CACNA2D3: variants seen among roughly 807,000 people sequenced by gnomAD.
CACNA2D3 encodes calcium voltage-gated channel auxiliary subunit alpha2delta 3.
Under a neutral mutation model 160.6 loss-of-function variants are expected in CACNA2D3, and 60 were observed. The observed-to-expected ratio is 0.37, with a 90% CI of 0.30 to 0.46. The LOEUF (loss-of-function observed/expected upper bound fraction) is 0.46. Among genes scored for constraint, CACNA2D3 ranks in the 20% least tolerant of loss-of-function variants. CACNA2D3 has a pLI of 1.00. For synonymous variants in CACNA2D3, 558 were observed against 492.9 expected (o/e 1.13, Z -1.75); for missense variants, 1,205 against 1,365.0 (o/e 0.88, Z 1.85).
At chr3:54,851,351 G>A (rs1699053972) in intron 17 of CACNA2D3, among the ~76,000 whole-genome samples, 1 of 152,198 alleles carries the variant, frequency 6.6e-6, no homozygotes, top group Non-Finnish European at 1.5e-5. Context: ...GTACTGGGCT[G>A]AGCAGCTGGG....
rs182902370 is a variant in CACNA2D3, at chr3:54,918,891, C to T, written c.2449+19023C>T. 294 of 1,521,430 alleles carry T rather than the reference C, an allele frequency of 1.9e-4. 2 individuals are homozygous for T. The East Asian group carries it at 6.0e-3, about 31-fold the overall frequency. The allele number at this position is 1,521,430 out of a possible 1,614,324, so 94.2% of individuals were successfully genotyped here. A position where few individuals can be genotyped will look rare whatever the true frequency, so the allele number is the denominator to read the frequency against. Reference sequence around the variant, plus strand: ...CACAGATGATGCCGTCTGTTAGTCCCCCTTTAAAAAACAAAAGCAAAGAAC... The same window carrying T: ...CACAGATGATGCCGTCTGTTAGTCCTCCTTTAAAAAACAAAAGCAAAGAAC... On this transcript the variant is annotated intron_variant, in intron 27 of 37. Transcript: ENST00000474759.
At chr3:54,390,399 T>G (rs1559468533) in intron 4 of CACNA2D3, among the ~76,000 whole-genome samples, 3 of 152,008 alleles carry the variant, frequency 2.0e-5, no homozygotes, top group Admixed American at 2.0e-4. Flanking sequence ...ACCAAGAAAA[T>G]AAGTCTCTAG....
intron 35 of CACNA2D3, among the ~76,000 whole-genome samples, chr3:55,051,617 C>T (rs1704217633): frequency 6.6e-6 from 1 of 152,118 alleles, no homozygotes; most frequent in African/African-American, 2.4e-5. Context: ...CCTCCTTGAG[C>T]TGTGGTGGGC....
chr3:54,498,043 G>A (rs1463485471), intron 4 of CACNA2D3, among the ~76,000 whole-genome samples: 1 of 141,914 alleles, frequency 7.0e-6, no homozygotes, highest in Non-Finnish European at 1.6e-5. Context: ...TTGGCATATA[G>A]TTTTTTTTTT....
chr3:54,211,715 G>A (rs555102854), intron 2 of CACNA2D3, among the ~76,000 whole-genome samples: 122 of 152,068 alleles, frequency 8.0e-4, no homozygotes, highest in African/African-American at 2.8e-3. Context: ...TCATTTTATC[G>A]TTCTCTGTCG....
intron 27 of CACNA2D3, among the ~76,000 whole-genome samples, chr3:54,966,597 T>C (rs907060813): frequency 6.6e-5 from 10 of 152,122 alleles, no homozygotes; most frequent in African/African-American, 2.2e-4. Flanking sequence ...GGCAGGCAGG[T>C]CACTTGAGCC....
intron 5 of CACNA2D3, among the ~76,000 whole-genome samples, chr3:54,559,764 C>T (rs1702296892): frequency 6.6e-6 from 1 of 152,154 alleles, no homozygotes; most frequent in Admixed American, 6.5e-5. Context: ...CTCTGAAAGG[C>T]CCCAGTGTGT....
intron 13 of CACNA2D3, among the ~76,000 whole-genome samples, chr3:54,769,661 A>G (rs1382933253): frequency 6.6e-6 from 1 of 152,128 alleles, no homozygotes; most frequent in Admixed American, 6.5e-5. Context: ...ATTTATTGTC[A>G]TTTCCCAATT....
At chr3:54,848,516 A>G (rs1441641964) in intron 17 of CACNA2D3, among the ~76,000 whole-genome samples, 1 of 151,440 alleles carries the variant, frequency 6.6e-6, no homozygotes, top group African/African-American at 2.4e-5. Flanking sequence ...GAATGATCAG[A>G]CCTGTTGGTC....
At chr3:54,362,233 CTT>C (rs1698755580) in intron 3 of CACNA2D3, among the ~76,000 whole-genome samples, 1 of 152,148 alleles carries the variant, frequency 6.6e-6, no homozygotes. Context: ...GGACGAAGGT[CTT>C]GTTTGAGGCT....
chr3:55,073,016 T>A (rs1351345336), intron 35 of CACNA2D3, among the ~76,000 whole-genome samples: 1 of 152,198 alleles, frequency 6.6e-6, no homozygotes, highest in Non-Finnish European at 1.5e-5. Flanking sequence ...TGGTATGACA[T>A]AGTTTCAGTC....
intron 9 of CACNA2D3, among the ~76,000 whole-genome samples, chr3:54,607,100 C>A (rs1397016112): frequency 6.6e-6 from 1 of 152,160 alleles, no homozygotes; most frequent in Non-Finnish European, 1.5e-5. Flanking sequence ...TTAAGGTTTC[C>A]ATTTCAATAG....
At chr3:54,455,764 T>A (rs778965028) in intron 4 of CACNA2D3, among the ~76,000 whole-genome samples, 1 of 152,114 alleles carries the variant, frequency 6.6e-6, no homozygotes, top group Non-Finnish European at 1.5e-5. Context: ...TGGTGAGAGA[T>A]ATGGGTTTAG....
intron 4 of CACNA2D3, among the ~76,000 whole-genome samples, chr3:54,438,409 T>C (rs1277154251): frequency 6.6e-6 from 1 of 152,226 alleles, no homozygotes; most frequent in African/African-American, 2.4e-5. Context: ...CGAAGACTTT[T>C]ACAAATAATT....
chr3:54,377,814 T>C (rs1225478633), intron 3 of CACNA2D3, among the ~76,000 whole-genome samples: 3 of 152,202 alleles, frequency 2.0e-5, no homozygotes, highest in African/African-American at 7.2e-5. Flanking sequence ...GGTGATGTTC[T>C]TGTTACCTAA....
chr3:54,640,022 A>T (rs1699480224), intron 10 of CACNA2D3, among the ~76,000 whole-genome samples: 1 of 152,114 alleles, frequency 6.6e-6, no homozygotes, highest in African/African-American at 2.4e-5. Context: ...TTCACAAGGT[A>T]ATGTCATCAG....
chr3:54,574,472 T>G (rs1702549925), intron 8 of CACNA2D3, among the ~76,000 whole-genome samples: 1 of 152,192 alleles, frequency 6.6e-6, no homozygotes, highest in Admixed American at 6.6e-5. Flanking sequence ...TGTTAAAAAT[T>G]GTTTTAGCTC....
intron 3 of CACNA2D3, among the ~76,000 whole-genome samples, chr3:54,344,050 T>C (rs1698412392): frequency 6.6e-6 from 1 of 152,216 alleles, no homozygotes; most frequent in African/African-American, 2.4e-5. Context: ...AAGGAAGTTT[T>C]TACGAATTAT....
chr3:54,590,125 T>C (rs1054794201), intron 9 of CACNA2D3, among the ~76,000 whole-genome samples: 1 of 152,202 alleles, frequency 6.6e-6, no homozygotes, highest in African/African-American at 2.4e-5. Flanking sequence ...CATCTTTATT[T>C]GTAATAGCCT....
Sources: allele counts gnomAD v4.1 joint callset (sites outside exome capture counted in the v4.1 genomes callset), GRCh38; gene constraint gnomAD v4.1.1; transcripts MANE v1.5; gene names NCBI Gene and HGNC (gene_info 2026-07-23, HGNC 2026-07-21).